GRM6: variants seen among roughly 807,000 people sequenced by gnomAD.
GRM6 encodes glutamate metabotropic receptor 6.
GRM6 carries 73 observed loss-of-function variants against 78.4 expected under a neutral mutation model. The observed-to-expected ratio is 0.93, with a 90% CI of 0.77 to 1.13. The LOEUF (loss-of-function observed/expected upper bound fraction) is 1.13, where lower values mean the gene tolerates loss of function less well. Among genes scored for constraint, GRM6 ranks in the 50% most tolerant of loss-of-function variants. GRM6 has a pLI of 0.00. For missense variants in GRM6, 1,251 were observed against 1,256.4 expected (o/e 1.00, Z 0.07); for synonymous variants, 580 against 555.0 (o/e 1.05, Z -0.63).
rs267600579 is a variant in GRM6, at chr5:178,991,492, C to T, written c.789G>A (p.Val263=). 2 of 1,613,728 alleles carry T rather than the reference C, an allele frequency of 1.2e-6. No individual in the cohort carries two copies. The highest frequency in any genetic ancestry group is 1.7e-6 in the Non-Finnish European group (2 of 1,179,708). The stretch of plus-strand genomic sequence containing the variant: ...TGGGCGTCTCCATGAGTCTCCTGAT[C>T]ACCTTGCTGAACTCTCCTGGCTTTG... The part of the protein sequence containing the change: ...REPKPGEFSK[V]IRRLMETPNA... The change falls in exon 4 of 11, where the codon GTG becomes GTA. Residue 263 remains valine (V), a synonymous_variant. Coordinates refer to ENST00000517717, the MANE Select transcript of GRM6 (RefSeq NM_000843.4). The surrounding 1 kb of genome is among the most constrained non-coding windows in gnomAD (Gnocchi z 5.0).
chr5:178,994,895 G>A lies in GRM6; in HGVS notation c.50C>T (p.Pro17Leu). Reference protein sequence around the residue: ...AREPLLVALLPLAWLAQAGLA... With the variant: ...AREPLLVALLLLAWLAQAGLA... ...GCCCGCCTGCGCCAGCCACGCCAGCGGCAGCAGCGCCACGAGCAGCGGCTC... is the reference window on the plus strand; with the variant it reads ...GCCCGCCTGCGCCAGCCACGCCAGCAGCAGCAGCGCCACGAGCAGCGGCTC... The change falls in exon 2 of 11, where the codon CCG (proline) becomes CTG (leucine). Residue 17 changes from proline to leucine, a missense_variant. Physicochemically the swap from Pro to Leu is moderately conservative, Grantham distance 98. Coordinates refer to ENST00000517717, the MANE Select transcript of GRM6 (RefSeq NM_000843.4). 5 of 1,208,404 alleles carry A rather than the reference G, an allele frequency of 4.1e-6. No homozygotes were observed. Among genetic ancestry groups the A allele is most frequent in the Non-Finnish European group, 5.2e-6 (5 of 970,832 alleles). 74.9% of individuals were successfully genotyped at this position (1,208,404 alleles called of 1,614,324 possible). A position where few individuals can be genotyped will look rare whatever the true frequency, so the allele number is the denominator to read the frequency against.
Position 178,982,980 on chromosome 5 carries a change from A to G in GRM6, c.2366T>C (p.Met789Thr), listed in dbSNP as rs1436194736. ...FNEAKPIGFT[M>T]YTTCIIWLAF... ...CAGCCAGATGATGCAGGTGGTGTAC[A>G]TGGTGAAGCCGATGGGCTTGGCCTC... The change falls in exon 10 of 11, where the codon ATG becomes ACG. Residue 789 changes from methionine (M) to threonine (T), a missense_variant. Transcript: ENST00000517717. 2.5e-6 allele frequency: 4 copies of G among 1,614,060 alleles called. No individual in the cohort carries two copies. The highest frequency in any genetic ancestry group is 3.4e-6 in the Non-Finnish European group (4 of 1,180,020).
chr5:178,986,292 C>A lies in GRM6; in HGVS notation c.1962G>T (p.Arg654Ser), dbSNP rs1021179972. ...EPGAAVCAAR[R>S]LFLGLGTTLS... ...GGGTCGTGCCCAGGCCCAGGAAGAG[C>A]CTGCGGGCGGCACAGACCGCGGCCC... The change falls in exon 9 of 11, where the codon AGG (arginine) becomes AGT (serine). Residue 654 changes from arginine (R) to serine (S), a missense_variant. Transcript: ENST00000517717. The A allele has an allele frequency of 6.2e-7, 1 of 1,614,032 alleles. No individual in the cohort carries two copies. The highest frequency in any genetic ancestry group is 8.5e-7 in the Non-Finnish European group (1 of 1,179,966).
rs528238305 is a variant in GRM6 at position 178,988,972 on chromosome 5, C to A, written c.1317G>T (p.Arg439=). 7 of 1,613,778 alleles carry A rather than the reference C, an allele frequency of 4.3e-6. No individual in the cohort carries two copies. In the African/African-American group the frequency reaches 9.3e-5, roughly 22 times the overall value. Residue 439 remains arginine, a synonymous_variant, in exon 7 of 11, where the codon CGG becomes CGT. Coordinates refer to ENST00000517717, the MANE Select transcript of GRM6 (RefSeq NM_000843.4). The surrounding 1 kb of genome is among the most constrained non-coding windows in gnomAD (Gnocchi z 6.0). ...CAGCTCGAATGTACTGCAGAAGCAT[C>A]CGCCCATCAGTGGGTTCCATCGCCG... The part of the protein sequence containing the change: ...LCPAMEPTDG[R]MLLQYIRAVR...
At position 178,992,207 on chromosome 5, in the gene GRM6, T is replaced by C. The variant is rs1400750568; in HGVS notation, c.505-124A>G. The C allele has an allele frequency of 4.1e-6, 3 of 730,172 alleles. No individual in the cohort carries two copies. The highest frequency in any genetic ancestry group is 7.3e-6 in the Non-Finnish European group (3 of 413,152). 45.2% of individuals were successfully genotyped at this position (730,172 alleles called of 1,614,324 possible). On this transcript the variant is annotated intron_variant, in intron 2 of 10. Transcript: ENST00000517717. This position sits in a 1 kb window ranked among gnomAD's most constrained non-coding sequence, Gnocchi z 4.9. ...GTGTGGCATGGACCTGGGACACAGA[T>C]GGGAGATGGAAGGGTTGGGGTGGGG...
At position 178,991,607 on chromosome 5, in the gene GRM6, C is replaced by A. The variant is rs41285547; in HGVS notation, c.722-48G>T. Reference sequence around the variant, plus strand: ...TCAGCTTCCGTCCCACCCACCCACACACCCACCTGGCCACCGCTGCAGAGG... The same window carrying A: ...TCAGCTTCCGTCCCACCCACCCACAAACCCACCTGGCCACCGCTGCAGAGG... On this transcript the variant is annotated intron_variant, in intron 3 of 10. Coordinates refer to ENST00000517717, the MANE Select transcript of GRM6 (RefSeq NM_000843.4). The surrounding 1 kb of genome is among the most constrained non-coding windows in gnomAD (Gnocchi z 5.0). The A allele has an allele frequency of 6.3e-7, 1 of 1,593,190 alleles. No homozygotes were observed. The highest frequency in any genetic ancestry group is 8.6e-7 in the Non-Finnish European group (1 of 1,163,704).
rs1760427334 is a variant in GRM6 at position 178,982,894 on chromosome 5, C to T, written c.2436+16G>A. 1 of 1,598,442 alleles carries T rather than the reference C, an allele frequency of 6.3e-7. No homozygotes were observed. On this transcript the variant is annotated intron_variant, in intron 10 of 10. Transcript: ENST00000517717. ...GGCAGGAAACAGGCAGCGAGACCTC[C>T]TGGGGACCTCATTACCTTTTCAGCT...
chr5:178,983,498 G>A, intron 9 of GRM6: 1 of 645,230 alleles, frequency 1.5e-6, no homozygotes, highest in Non-Finnish European at 2.9e-6. Flanking sequence ...TCAGTGCAGT[G>A]TGCATAAGGG....
In GRM6 at chr5:178,986,753, C is replaced by T; in HGVS notation, c.1501G>A (p.Val501Met). Residue 501 changes from valine to methionine, a missense_variant and splice_region_variant, in exon 9 of 11, where the codon GTG becomes ATG. Coordinates refer to ENST00000517717, the MANE Select transcript of GRM6 (RefSeq NM_000843.4). ...TCGCCAGACCACTGCAGGGCCTCCA[C>T]CTGGGACGCACAAAACACAGGCTGG... ...GQWAETLRLDVEALQWSGDPH... is the reference protein window; with the variant it reads ...GQWAETLRLDMEALQWSGDPH... 6.2e-7 allele frequency: 1 copy of T among 1,608,420 alleles called. No homozygotes were observed. Among genetic ancestry groups the T allele is most frequent in the Non-Finnish European group, 8.5e-7 (1 of 1,179,446 alleles).
At position 178,994,908 on chromosome 5, in the gene GRM6, C is replaced by T. The variant is rs1358693493; in HGVS notation, c.37G>A (p.Val13Met). Reference sequence around the variant, plus strand: ...AGCCACGCCAGCGGCAGCAGCGCCACGAGCAGCGGCTCCCGGGCTCTCCGG... The same window carrying T: ...AGCCACGCCAGCGGCAGCAGCGCCATGAGCAGCGGCTCCCGGGCTCTCCGG... ...RPRRAREPLL[V>M]ALLPLAWLAQ... The change falls in exon 2 of 11, where the codon GTG (valine) becomes ATG (methionine). Residue 13 changes from valine (V) to methionine (M), a missense_variant. Physicochemically the swap from Val to Met is conservative, Grantham distance 21. Coordinates refer to ENST00000517717, the MANE Select transcript of GRM6 (RefSeq NM_000843.4). The T allele has an allele frequency of 9.1e-6, 11 of 1,208,028 alleles. No individual in the cohort carries two copies. Among genetic ancestry groups the T allele is most frequent in the Non-Finnish European group, 9.3e-6 (9 of 971,150 alleles). The allele number at this position is 1,208,028 out of a possible 1,614,324, so 74.8% of individuals were successfully genotyped here.
chr5:178,991,391 C>T lies in GRM6; in HGVS notation c.857+33G>A. On this transcript the variant is annotated intron_variant, in intron 4 of 10. Coordinates refer to ENST00000517717, the MANE Select transcript of GRM6 (RefSeq NM_000843.4). This position sits in a 1 kb window ranked among gnomAD's most constrained non-coding sequence, Gnocchi z 5.0. ...GAGGGGTGGGACCCTCAGGGAGAGC[C>T]CCAGGGGCCCGGTGATTGTGCCACT... The T allele has an allele frequency of 6.2e-7, 1 of 1,608,762 alleles. No homozygotes were observed.
Position 178,978,364 on chromosome 5 carries a change from TG to T in GRM6, c.*3292del, listed in dbSNP as rs1444539077. The T allele has an allele frequency of 6.6e-6, 1 of 152,164 alleles. No individual in the cohort carries two copies. Among genetic ancestry groups the T allele is most frequent in the Non-Finnish European group, 1.5e-5 (1 of 68,024 alleles). 9.4% of individuals were successfully genotyped at this position (152,164 alleles called of 1,614,324 possible). A position where few individuals can be genotyped will look rare whatever the true frequency, so the allele number is the denominator to read the frequency against. On this transcript the variant is annotated 3_prime_UTR_variant, in exon 11 of 11. Transcript: ENST00000517717. The stretch of plus-strand genomic sequence containing the variant: ...TTAAATTTATTGAACAGGAAGTAAC[TG>T]AATAAAGTCAGTTACCTGGACTCTT...
intron 5 of GRM6, 130 bp from the exon 6 acceptor site, chr5:178,989,535 G>A (rs2113338191): frequency 5.2e-6 from 6 of 1,147,524 alleles, no homozygotes; most frequent in South Asian, 1.3e-5. Flanking sequence ...GGTGAACTAG[G>A]CATGGCCAGG....
chr5:178,982,576 CAAAAAAAAAA>C (rs70997654), intron 10 of GRM6, among the ~76,000 whole-genome samples: 3 of 20,168 alleles, frequency 1.5e-4, no homozygotes, highest in African/African-American at 5.1e-4. Flanking sequence ...GACTCTGTCT[CAAAAAAAAAA>C]AAAAAAAAAA....
chr5:178,985,353 C>T (rs998241926), intron 9 of GRM6: 1 of 424,448 alleles, frequency 2.4e-6, no homozygotes, highest in Non-Finnish European at 4.7e-6. Context: ...AGATGGCGGC[C>T]CTAACTGAGC....
At chr5:178,987,213 T>C (rs1379281452) in intron 7 of GRM6, 12 of 669,772 alleles carry the variant, frequency 1.8e-5, no homozygotes, top group Non-Finnish European at 2.2e-5. Context: ...TCGGAACCCT[T>C]GTGCACGGTG....
Position 178,994,710 on chromosome 5 carries a change from C to A in GRM6, c.235G>T (p.Val79Phe). The change falls in exon 2 of 11, where the codon GTC becomes TTC. Residue 79 changes from valine (V) to phenylalanine (F), a missense_variant. Val to Phe is a conservative substitution (Grantham distance 50). Coordinates refer to ENST00000517717, the MANE Select transcript of GRM6 (RefSeq NM_000843.4). ...LEAMLYALDRVNADPELLPGV... is the reference protein window; with the variant it reads ...LEAMLYALDRFNADPELLPGV... ...GGCAGCAGCTCGGGGTCGGCGTTGACGCGGTCCAGCGCGTACAGCATGGCC... is the reference window on the plus strand; with the variant it reads ...GGCAGCAGCTCGGGGTCGGCGTTGAAGCGGTCCAGCGCGTACAGCATGGCC... 2 of 1,466,094 alleles carry A rather than the reference C, an allele frequency of 1.4e-6. No individual in the cohort carries two copies. Among genetic ancestry groups the A allele is most frequent in the South Asian group, 1.3e-5 (1 of 78,712 alleles). 90.8% of individuals were successfully genotyped at this position (1,466,094 alleles called of 1,614,324 possible). A position where few individuals can be genotyped will look rare whatever the true frequency, so the allele number is the denominator to read the frequency against.
Position 178,989,031 on chromosome 5 carries a change from G to A in GRM6, c.1258C>T (p.Gln420Ter), listed in dbSNP as rs1444404680. ...CCTGTGTGCCCAGGGCAGAGCGCCT[G>A]GTGCATGCTGTGGAGGGCGTGGGCA... is the stretch of plus-strand genomic sequence containing the variant. ...AIAHALHSMH[Q>*]ALCPGHTGLC... The change falls in exon 7 of 11, where the codon CAG becomes TAG. Residue 420 changes from glutamine (Q) to a stop codon, truncating the protein, a stop_gained. Coordinates refer to ENST00000517717, the MANE Select transcript of GRM6 (RefSeq NM_000843.4). LOFTEE classifies it high-confidence loss of function. The A allele has an allele frequency of 6.2e-7, 1 of 1,613,918 alleles. No homozygotes were observed. The highest frequency in any genetic ancestry group is 1.3e-5 in the African/African-American group (1 of 74,932).
At chr5:178,982,055 G>A (rs1327373607) in intron 10 of GRM6, among the ~76,000 whole-genome samples, 2 of 152,218 alleles carry the variant, frequency 1.3e-5, no homozygotes, top group Non-Finnish European at 2.9e-5. Flanking sequence ...GTGTGGGCAG[G>A]AGGGAGGGGT....
Sources: gnomAD v4.1 joint callset for allele counts (sites outside exome capture counted in the v4.1 genomes callset) on GRCh38, gnomAD v4.1.1 for gene constraint, Gnocchi (gnomAD v3.1) non-coding constraint, MANE v1.5 for transcripts, NCBI Gene and HGNC (gene_info 2026-07-23, HGNC 2026-07-21) for gene names.